The following PCP4 variants were observed in gnomAD, a reference collection of about 807,000 sequenced individuals.
PCP4 encodes calmodulin regulator protein PCP4.
In PCP4, 8 loss-of-function variants were observed where a neutral mutation model predicts 10.0. That is an observed-to-expected ratio of 0.80 (90% CI 0.47 to 1.45). The LOEUF is 1.45. PCP4 is among the 40% of genes most tolerant of loss of function. The probability of loss-of-function intolerance (pLI) is 0.00; values close to 1 mark genes in which losing one functional copy is unlikely to be tolerated. For missense variants in PCP4, 54 were observed against 74.4 expected (o/e 0.73, Z 1.01); for synonymous variants, 21 against 23.0 (o/e 0.91, Z 0.24).
rs1308863444 is a variant in PCP4 at position 39,906,761 on chromosome 21, A to G, written c.61+8234A>G. ...AAAAGTAAAGTTATACATTATTCTCAATGAATTACTCTTAAAGATCTTCAA... is the reference window on the plus strand; with the variant it reads ...AAAAGTAAAGTTATACATTATTCTCGATGAATTACTCTTAAAGATCTTCAA... On this transcript the variant is annotated intron_variant, in intron 2 of 2. Coordinates refer to ENST00000328619, the MANE Select transcript of PCP4 (RefSeq NM_006198.3). This position sits in a 1 kb window ranked among gnomAD's most constrained non-coding sequence, Gnocchi z 6.3. 6.6e-6 allele frequency among the ~76,000 whole-genome samples: 1 copy of G among 152,178 alleles called. No individual in the cohort carries two copies. Among genetic ancestry groups the G allele is most frequent in the Non-Finnish European group, 1.5e-5 (1 of 68,036 alleles).
intron 2 of PCP4, among the ~76,000 whole-genome samples, chr21:39,905,960 G>A (rs919033957): frequency 6.6e-6 from 1 of 152,208 alleles, no homozygotes; most frequent in South Asian, 2.1e-4. Context: ...TGAGGCAGGA[G>A]AATGGCGTGA....
At position 39,882,622 on chromosome 21, in the gene PCP4, C is replaced by T. The variant is rs191911914; in HGVS notation, c.9+15112C>T. Among the ~76,000 whole-genome samples, 293 of 152,294 alleles carry T rather than the reference C, an allele frequency of 1.9e-3. 3 individuals carry two copies. The highest frequency in any genetic ancestry group is 3.2e-3 in the Non-Finnish European group (219 of 68,030). ...ATTGCTAGAAGAACCACATCATCCT[C>T]GGAGGGACAGGCAGGCATCCTTAGT... On this transcript the variant is annotated intron_variant, in intron 1 of 2. Transcript: ENST00000328619.
At chr21:39,871,754 A>T (rs2146323522) in intron 1 of PCP4, among the ~76,000 whole-genome samples, 1 of 152,244 alleles carries the variant, frequency 6.6e-6, no homozygotes, top group East Asian at 1.9e-4. Context: ...TTGCCATAAA[A>T]CTTGTTTCCC....
At chr21:39,871,471 C>A (rs2087319720) in intron 1 of PCP4, among the ~76,000 whole-genome samples, 1 of 152,130 alleles carries the variant, frequency 6.6e-6, no homozygotes, top group African/African-American at 2.4e-5. Flanking sequence ...GTCTGCAAAA[C>A]CCAGCAACAA....
At chr21:39,910,914 C>T (rs1223400733) in intron 2 of PCP4, among the ~76,000 whole-genome samples, 1 of 152,202 alleles carries the variant, frequency 6.6e-6, no homozygotes, top group Non-Finnish European at 1.5e-5. Flanking sequence ...CCATTCTATG[C>T]TTTACTCATT....
At chr21:39,915,893 G>A (rs994229647) in intron 2 of PCP4, among the ~76,000 whole-genome samples, 2 of 152,124 alleles carry the variant, frequency 1.3e-5, no homozygotes, top group African/African-American at 4.8e-5. Flanking sequence ...AGAAAAAGGG[G>A]ATAAACAAAG....
At chr21:39,922,104 G>A (rs547452347) in intron 2 of PCP4, among the ~76,000 whole-genome samples, 6 of 152,168 alleles carry the variant, frequency 3.9e-5, no homozygotes, top group African/African-American at 7.2e-5. Flanking sequence ...CTCCTGCCTC[G>A]GCCTCCCAAA....
intron 1 of PCP4, among the ~76,000 whole-genome samples, chr21:39,889,418 T>C (rs941772690): frequency 7.1e-6 from 1 of 141,506 alleles, no homozygotes; most frequent in Admixed American, 7.1e-5. Context: ...GTTCTTTTTT[T>C]TTTTTTTTTT....
Position 39,873,472 on chromosome 21 carries a change from T to A in PCP4, c.9+5962T>A, listed in dbSNP as rs113995477. Among the ~76,000 whole-genome samples the A allele has an allele frequency of 7.3e-3, 1,108 of 152,266 alleles. 13 individuals are homozygous for A. Among genetic ancestry groups the A allele is most frequent in the African/African-American group, 0.025 (1,050 of 41,558 alleles). On this transcript the variant is annotated intron_variant, in intron 1 of 2. Coordinates refer to ENST00000328619, the MANE Select transcript of PCP4 (RefSeq NM_006198.3). Reference sequence around the variant, plus strand: ...TATTTTAGTAAATTTATATTTGAAATAGGAATATATGAAAATTTATATGCA... The same window carrying A: ...TATTTTAGTAAATTTATATTTGAAAAAGGAATATATGAAAATTTATATGCA...
chr21:39,908,880 A>G (rs1003259356), intron 2 of PCP4, among the ~76,000 whole-genome samples: 2 of 152,208 alleles, frequency 1.3e-5, no homozygotes, highest in Non-Finnish European at 2.9e-5. Flanking sequence ...CCTCTTGGAT[A>G]TCTTGGCTTC....
rs138438751 is a variant in PCP4, at chr21:39,929,171, A to G, written c.*60A>G. 2.1e-5 allele frequency: 32 copies of G among 1,546,826 alleles called. No individual in the cohort carries two copies. The East Asian group carries it at 7.2e-4, about 35-fold the overall frequency. Reference sequence around the variant, plus strand: ...CAAATTCAACCATCATCTGTCAAGAAATTAAAAGAACAACACCCTAGAGAG... The same window carrying G: ...CAAATTCAACCATCATCTGTCAAGAGATTAAAAGAACAACACCCTAGAGAG... On this transcript the variant is annotated 3_prime_UTR_variant, in exon 3 of 3. Coordinates refer to ENST00000328619, the MANE Select transcript of PCP4 (RefSeq NM_006198.3).
intron 1 of PCP4, among the ~76,000 whole-genome samples, chr21:39,876,257 C>T (rs992457570): frequency 3.9e-5 from 6 of 152,132 alleles, no homozygotes; most frequent in African/African-American, 1.4e-4. Flanking sequence ...TGCACCCATT[C>T]AACAACCACT....
chr21:39,875,981 A>C (rs1031728038), intron 1 of PCP4, among the ~76,000 whole-genome samples: 3 of 152,104 alleles, frequency 2.0e-5, no homozygotes, highest in Middle Eastern at 3.4e-3. Flanking sequence ...TCCTAAGAAA[A>C]GAAGGTTTAG....
intron 2 of PCP4, among the ~76,000 whole-genome samples, chr21:39,901,205 C>T (rs758850481): frequency 2.0e-5 from 3 of 152,128 alleles, no homozygotes; most frequent in Non-Finnish European, 4.4e-5. Context: ...CAAATAATAT[C>T]CTTTAAGATC....
chr21:39,917,422 C>T (rs1045412039), intron 2 of PCP4, among the ~76,000 whole-genome samples: 3 of 152,214 alleles, frequency 2.0e-5, no homozygotes, highest in Non-Finnish European at 4.4e-5. Context: ...CAGACTTCCA[C>T]CCCTGAGACA....
intron 2 of PCP4, among the ~76,000 whole-genome samples, chr21:39,902,342 A>G (rs1265135547): frequency 3.3e-5 from 5 of 152,236 alleles, no homozygotes; most frequent in Non-Finnish European, 5.9e-5. Context: ...GTATAAAGCA[A>G]TAAAGACTGT....
intron 1 of PCP4, among the ~76,000 whole-genome samples, chr21:39,896,001 A>T (rs8129603): frequency 6.0e-4 from 91 of 152,314 alleles, no homozygotes; most frequent in African/African-American, 2.1e-3. Context: ...AGACACCTTC[A>T]CCTACGACAT....
chr21:39,912,853 G>A (rs1469831485), intron 2 of PCP4, among the ~76,000 whole-genome samples: 1 of 152,124 alleles, frequency 6.6e-6, no homozygotes, highest in African/African-American at 2.4e-5. Flanking sequence ...GGGACTACAG[G>A]TGCGGGCCAC....
intron 1 of PCP4, among the ~76,000 whole-genome samples, chr21:39,895,121 T>C (rs1238255429): frequency 6.6e-6 from 1 of 150,720 alleles, no homozygotes; most frequent in East Asian, 2.0e-4. Flanking sequence ...TCATCCATCC[T>C]TAGGTCCACC....
Sources: gnomAD v4.1 joint callset for allele counts (sites outside exome capture counted in the v4.1 genomes callset) on GRCh38, gnomAD v4.1.1 for gene constraint, Gnocchi (gnomAD v3.1) non-coding constraint, MANE v1.5 for transcripts, NCBI Gene and HGNC (gene_info 2026-07-23, HGNC 2026-07-21) for gene names.